MCC: variants seen among roughly 807,000 people sequenced by gnomAD.
The protein encoded by MCC is MCC regulator of Wnt signaling pathway.
MCC carries 90 observed loss-of-function variants against 116.2 expected under a neutral mutation model. The ratio of observed to expected loss-of-function variants is 0.77; its 90% CI spans 0.65 to 0.92. The LOEUF (loss-of-function observed/expected upper bound fraction) is 0.92. Among genes scored for constraint, MCC ranks in the 40% least tolerant of loss-of-function variants. MCC has a pLI of 0.00. For synonymous variants in MCC, 578 were observed against 510.5 expected (o/e 1.13, Z -1.78); for missense variants, 1,516 against 1,312.2 (o/e 1.16, Z -2.40).
intron 3 of MCC, among the ~76,000 whole-genome samples, chr5:113,262,451 A>T (rs9687233): frequency 0.027 from 4,137 of 152,222 alleles, 197 homozygotes; most frequent in African/African-American, 0.096. Context: ...CCCACCTTTT[A>T]TGCCTTTGTC....
rs768528986 is a variant in MCC, at chr5:113,385,058, C to T, written c.325G>A (p.Val109Ile). ...QLVREIRKEE[V>I]DLSAKSDNSC... Reference sequence around the variant, plus strand: ...TTGTCTGACTTTGCAGAAAGATCTACTTCCTCCTTCCTAATTTCTCGAACA... The same window carrying T: ...TTGTCTGACTTTGCAGAAAGATCTATTTCCTCCTTCCTAATTTCTCGAACA... Residue 109 changes from valine (V) to isoleucine (I), a missense_variant, in exon 2 of 19, where the codon GTA (valine) becomes ATA (isoleucine). Transcript: ENST00000408903. 1.2e-6 allele frequency: 2 copies of T among 1,614,224 alleles called. No individual in the cohort carries two copies. Among genetic ancestry groups the T allele is most frequent in the South Asian group, 2.2e-5 (2 of 91,082 alleles).
intron 11 of MCC, among the ~76,000 whole-genome samples, chr5:113,074,030 A>T (rs1217810807): frequency 1.3e-5 from 2 of 152,240 alleles, no homozygotes; most frequent in Non-Finnish European, 2.9e-5. Flanking sequence ...TGAAGAGAGC[A>T]GTGGTTCTCC....
At chr5:113,065,556 G>T (rs1753546900) in intron 13 of MCC, among the ~76,000 whole-genome samples, 1 of 152,102 alleles carries the variant, frequency 6.6e-6, no homozygotes, top group Non-Finnish European at 1.5e-5. Context: ...GGGCAGAAGT[G>T]GGAGACACAC....
In MCC at chr5:113,434,664, C is replaced by T. The variant is rs745469147; in HGVS notation, c.171-49452G>A. 13 of 1,613,756 alleles carry T rather than the reference C, an allele frequency of 8.1e-6. No individual in the cohort carries two copies. The highest frequency in any genetic ancestry group is 2.2e-5 in the East Asian group (1 of 44,888). On this transcript the variant is annotated intron_variant, in intron 1 of 18. Coordinates refer to ENST00000408903, the MANE Select transcript of MCC (RefSeq NM_001085377.2). This position sits in a 1 kb window ranked among gnomAD's most constrained non-coding sequence, Gnocchi z 4.2. ...TAACATGGCCAGAATCTCAATTTCCCGGGGAAGGAATTTCTCCAAGAAGTC... is the reference window on the plus strand; with the variant it reads ...TAACATGGCCAGAATCTCAATTTCCTGGGGAAGGAATTTCTCCAAGAAGTC...
intron 3 of MCC, among the ~76,000 whole-genome samples, chr5:113,312,343 A>C (rs990232003): frequency 1.3e-5 from 2 of 152,174 alleles, no homozygotes; most frequent in East Asian, 3.8e-4. Flanking sequence ...ATATGAATAC[A>C]TATAACAGAG....
rs576578726 is a variant in MCC, at chr5:113,199,047, A to G, written c.628-47625T>C. Among the ~76,000 whole-genome samples the G allele has an allele frequency of 2.8e-4, 42 of 152,120 alleles. 1 individual carries two copies. The highest frequency in any genetic ancestry group is 9.9e-4 in the African/African-American group (41 of 41,534). On this transcript the variant is annotated intron_variant, in intron 3 of 18. Transcript: ENST00000408903. ...GCCAGGCATGGTGGTGTGCACCTGTAGTCCCAGCTACTCTGGAGGCTGAGG... is the reference window on the plus strand; with the variant it reads ...GCCAGGCATGGTGGTGTGCACCTGTGGTCCCAGCTACTCTGGAGGCTGAGG...
intron 1 of MCC, among the ~76,000 whole-genome samples, chr5:113,478,709 T>A (rs560726262): frequency 1.3e-5 from 2 of 152,202 alleles, no homozygotes; most frequent in East Asian, 1.9e-4. Flanking sequence ...ATGACTAAAA[T>A]TTGGAAGCTC....
chr5:113,422,627 G>A (rs569360660), intron 1 of MCC, among the ~76,000 whole-genome samples: 2 of 152,318 alleles, frequency 1.3e-5, no homozygotes, highest in South Asian at 2.1e-4. Flanking sequence ...TATCAGGTAT[G>A]GCCCAGCTTG....
intron 3 of MCC, among the ~76,000 whole-genome samples, chr5:113,314,547 G>A (rs1404518897): frequency 6.6e-6 from 1 of 152,156 alleles, no homozygotes; most frequent in East Asian, 1.9e-4. Context: ...AGGAGTTTCA[G>A]GGGAACCCTG....
At chr5:113,086,537 C>G (rs948644104) in intron 8 of MCC, among the ~76,000 whole-genome samples, 4 of 152,182 alleles carry the variant, frequency 2.6e-5, no homozygotes, top group African/African-American at 9.7e-5. Context: ...ACGGGACCCT[C>G]TAAGTTACAT....
intron 15 of MCC, among the ~76,000 whole-genome samples, chr5:113,053,280 C>T (rs752407322): frequency 2.2e-4 from 33 of 152,172 alleles, no homozygotes; most frequent in Non-Finnish European, 3.7e-4. Flanking sequence ...CTCGACATTG[C>T]ACCAAAGGTA....
At chr5:113,240,572 G>A (rs1019016314) in intron 3 of MCC, among the ~76,000 whole-genome samples, 11 of 152,126 alleles carry the variant, frequency 7.2e-5, no homozygotes, top group African/African-American at 2.2e-4. Context: ...CCTCTGATAC[G>A]TCTTCTTTAA....
rs1356747828 is a variant in MCC at position 113,068,153 on chromosome 5, G to C, written c.1956C>G (p.Leu652=). ...SEQCIEAYEL[L]LALAESEQSL... is the part of the protein sequence containing the mutation. ...TCTGCTCACTCTCTGCCAGCGCCAGGAGGAGTTCGTAGGCTTCGATGCACT... is the reference window on the plus strand; with the variant it reads ...TCTGCTCACTCTCTGCCAGCGCCAGCAGGAGTTCGTAGGCTTCGATGCACT... The change falls in exon 13 of 19, where the codon CTC becomes CTG. Residue 652 remains leucine, a synonymous_variant. Transcript: ENST00000408903. 3.1e-6 allele frequency: 5 copies of C among 1,614,046 alleles called. No individual in the cohort carries two copies. In the African/African-American group the frequency reaches 5.3e-5, roughly 17 times the overall value.
At chr5:113,462,475 T>A (rs1022992551) in intron 1 of MCC, among the ~76,000 whole-genome samples, 2 of 143,010 alleles carry the variant, frequency 1.4e-5, no homozygotes, top group African/African-American at 5.7e-5. Context: ...TTTAGAAATG[T>A]CATTAACAGT....
intron 3 of MCC, among the ~76,000 whole-genome samples, chr5:113,197,126 T>C (rs1465781391): frequency 6.6e-6 from 1 of 152,162 alleles, no homozygotes; most frequent in South Asian, 2.1e-4. Context: ...GGAGCTGTGG[T>C]GGGCTGGGGG....
chr5:113,155,417 T>A (rs1760119417), intron 3 of MCC, among the ~76,000 whole-genome samples: 1 of 152,192 alleles, frequency 6.6e-6, no homozygotes, highest in Non-Finnish European at 1.5e-5. Context: ...TGGGATTGGA[T>A]CATATGGTAG....
intron 3 of MCC, among the ~76,000 whole-genome samples, chr5:113,195,245 A>G (rs1762339860): frequency 6.6e-6 from 1 of 152,226 alleles, no homozygotes; most frequent in South Asian, 2.1e-4. Flanking sequence ...GTGTGCTCGG[A>G]AGGGGTGACC....
chr5:113,057,501 T>C (rs1357528316), intron 14 of MCC, among the ~76,000 whole-genome samples: 1 of 6,808 alleles, frequency 1.5e-4, no homozygotes, highest in Non-Finnish European at 3.8e-4. Flanking sequence ...AGCTGTATTT[T>C]AAAAATGAGA....
chr5:113,223,969 C>T (rs1279622786), intron 3 of MCC, among the ~76,000 whole-genome samples: 1 of 152,188 alleles, frequency 6.6e-6, no homozygotes, highest in African/African-American at 2.4e-5. Context: ...AAACTCCTTG[C>T]TCTGCTGCTA....
Sources: allele counts gnomAD v4.1 joint callset (sites outside exome capture counted in the v4.1 genomes callset), GRCh38; gene constraint gnomAD v4.1.1; non-coding constraint Gnocchi (gnomAD v3.1); transcripts MANE v1.5; gene names NCBI Gene and HGNC (gene_info 2026-07-23, HGNC 2026-07-21).